Variants in NLGN1 observed in about 807,000 individuals in gnomAD.
NLGN1 encodes the protein neuroligin 1.
NLGN1 carries 12 observed loss-of-function variants against 65.5 expected under a neutral mutation model. The ratio of observed to expected loss-of-function variants is 0.18; its 90% CI spans 0.12 to 0.30. The LOEUF (loss-of-function observed/expected upper bound fraction) is 0.30, where lower values mean the gene tolerates loss of function less well. NLGN1 is among the 10% of genes least tolerant of loss of function. The pLI, the probability that NLGN1 is intolerant of heterozygous loss-of-function variation, is 1.00. For synonymous variants in NLGN1, 350 were observed against 359.5 expected (o/e 0.97, Z 0.30); for missense variants, 750 against 1,007.1 (o/e 0.74, Z 3.46).
intron 4 of NLGN1, among the ~76,000 whole-genome samples, chr3:173,951,935 A>AT (rs1237664298): frequency 6.6e-6 from 1 of 152,156 alleles, no homozygotes; most frequent in Non-Finnish European, 1.5e-5. Flanking sequence ...TTTTGGTTAG[A>AT]TTTTTCACAA....
intron 4 of NLGN1, among the ~76,000 whole-genome samples, chr3:174,265,912 A>ATGTATATATG (rs1354323048): frequency 1.1e-4 from 11 of 95,686 alleles, no homozygotes; most frequent in Non-Finnish European, 1.9e-4. Context: ...ATGTGTATAT[A>ATGTATATATG]TGTATATATG....
At chr3:173,978,010 G>C (rs965914317) in intron 4 of NLGN1, among the ~76,000 whole-genome samples, 2 of 151,936 alleles carry the variant, frequency 1.3e-5, no homozygotes, top group Non-Finnish European at 2.9e-5. Context: ...GGTAACAACA[G>C]GAAAACGAGG....
chr3:174,086,284 A>ATATATATATTTATGTATGTGCATACAT (rs1743322102), intron 4 of NLGN1, among the ~76,000 whole-genome samples: 2 of 5,796 alleles, frequency 3.5e-4, no homozygotes, highest in African/African-American at 5.4e-4. Context: ...TATGTGCATA[A>ATATATATATTTATGTATGTGCATACAT]ATATATATAT....
At position 174,280,547 on chromosome 3, in the gene NLGN1, A is replaced by G. The variant is rs1025946144; in HGVS notation, c.1716A>G (p.Glu572=). The change falls in exon 7 of 7, where the codon GAA becomes GAG. Residue 572 remains glutamate (E), a synonymous_variant. Coordinates refer to ENST00000457714, the Ensembl canonical transcript of NLGN1. This position sits in a 1 kb window ranked among gnomAD's most constrained non-coding sequence, Gnocchi z 4.9. ...ATACCAAACCCAACCGTTTTGAAGA[A>G]GTAGCATGGACCAGATATTCCCAGA... 1.2e-6 allele frequency: 2 copies of G among 1,613,062 alleles called. No individual in the cohort carries two copies. The highest frequency in any genetic ancestry group is 2.7e-5 in the African/African-American group (2 of 74,834).
intron 4 of NLGN1, among the ~76,000 whole-genome samples, chr3:174,088,159 T>G (rs1264986086): frequency 6.6e-6 from 1 of 152,218 alleles, no homozygotes. Flanking sequence ...AAACTTATTT[T>G]GTATTGACAT....
chr3:173,469,945 A>C (rs1725046238), intron 2 of NLGN1, among the ~76,000 whole-genome samples: 1 of 151,138 alleles, frequency 6.6e-6, no homozygotes, highest in African/African-American at 2.4e-5. Context: ...ATATATGCAT[A>C]CAATATATAA....
intron 3 of NLGN1, among the ~76,000 whole-genome samples, chr3:173,739,271 A>G (rs912598118): frequency 2.0e-5 from 3 of 152,076 alleles, no homozygotes; most frequent in Non-Finnish European, 4.4e-5. Flanking sequence ...GGGGTTTAGC[A>G]TTTACTTGGT....
At chr3:173,502,311 G>T (rs924316432) in intron 2 of NLGN1, among the ~76,000 whole-genome samples, 8 of 152,012 alleles carry the variant, frequency 5.3e-5, no homozygotes, top group Non-Finnish European at 1.2e-4. Flanking sequence ...AATTTCCAAA[G>T]TATATAAATA....
chr3:173,754,077 T>C (rs1339624596), intron 3 of NLGN1, among the ~76,000 whole-genome samples: 1 of 148,264 alleles, frequency 6.7e-6, no homozygotes, highest in African/African-American at 2.5e-5. Flanking sequence ...AGGGTCTCAC[T>C]CTGTCACCCA....
chr3:174,162,050 C>T (rs1726649544), intron 4 of NLGN1, among the ~76,000 whole-genome samples: 1 of 151,772 alleles, frequency 6.6e-6, no homozygotes, highest in African/African-American at 2.4e-5. Context: ...TGACAGTTAA[C>T]TCCTGGGGTA....
At chr3:173,797,110 A>T (rs553327308) in intron 3 of NLGN1, among the ~76,000 whole-genome samples, 168 of 152,142 alleles carry the variant, frequency 1.1e-3, no homozygotes, top group Admixed American at 3.3e-3. Flanking sequence ...TCATGTAGGG[A>T]TCTGCTGCGG....
Position 174,094,530 on chromosome 3 carries a change from C to T in NLGN1, c.647-180785C>T, listed in dbSNP as rs147108232. ...TATCTTCAAACCCCTTGTCTCCTAA[C>T]TTAGCACTAATTTGGTAATCATTCA... On this transcript the variant is annotated intron_variant, in intron 4 of 6. Transcript: ENST00000457714. Among the ~76,000 whole-genome samples the T allele has an allele frequency of 3.0e-3, 448 of 151,756 alleles. 2 individuals are homozygous for T. Among genetic ancestry groups the T allele is most frequent in the African/African-American group, 0.01 (417 of 41,384 alleles).
At chr3:173,547,328 T>G (rs573594644) in intron 2 of NLGN1, among the ~76,000 whole-genome samples, 8 of 152,270 alleles carry the variant, frequency 5.3e-5, no homozygotes, top group South Asian at 2.1e-4. Flanking sequence ...AAGTACTTCA[T>G]CCTAATTAGT....
At chr3:173,835,956 A>G (rs765646577) in intron 4 of NLGN1, among the ~76,000 whole-genome samples, 24 of 152,156 alleles carry the variant, frequency 1.6e-4, no homozygotes, top group Non-Finnish European at 7.4e-5. Context: ...CCGCACTGTA[A>G]GGTTGACAAG....
chr3:174,175,179 A>T (rs1729218481), intron 4 of NLGN1, among the ~76,000 whole-genome samples: 1 of 151,866 alleles, frequency 6.6e-6, no homozygotes, highest in African/African-American at 2.4e-5. Context: ...ATTAAATCTG[A>T]TGTTTCTTTG....
chr3:173,954,238 A>G (rs892292689), intron 4 of NLGN1, among the ~76,000 whole-genome samples: 2 of 152,184 alleles, frequency 1.3e-5, no homozygotes, highest in Non-Finnish European at 2.9e-5. Flanking sequence ...TGACCCAGGA[A>G]TAGTAAATGG....
intron 4 of NLGN1, among the ~76,000 whole-genome samples, chr3:174,144,270 A>G (rs1722802831): frequency 6.6e-6 from 1 of 152,192 alleles, no homozygotes; most frequent in Non-Finnish European, 1.5e-5. Flanking sequence ...GCTGCATAGT[A>G]TTCCATGGTG....
chr3:173,581,772 TATG>T (rs1386058899), intron 2 of NLGN1, among the ~76,000 whole-genome samples: 4 of 151,978 alleles, frequency 2.6e-5, no homozygotes, highest in African/African-American at 7.2e-5. Flanking sequence ...AATTTTATAA[TATG>T]GTAAAGATTC....
chr3:174,158,471 A>C (rs1254330869), intron 4 of NLGN1, among the ~76,000 whole-genome samples: 3 of 151,710 alleles, frequency 2.0e-5, no homozygotes, highest in Non-Finnish European at 4.4e-5. Context: ...ATAGAATATC[A>C]TTGAAATTCC....
Sources: gnomAD v4.1 joint callset for allele counts (sites outside exome capture counted in the v4.1 genomes callset) on GRCh38, gnomAD v4.1.1 for gene constraint, Gnocchi (gnomAD v3.1) non-coding constraint, MANE v1.5 for transcripts, NCBI Gene and HGNC (gene_info 2026-07-23, HGNC 2026-07-21) for gene names.